SH2D3C: variants seen among roughly 807,000 people sequenced by gnomAD.
SH2D3C encodes the protein SH2 domain containing 3C.
SH2D3C carries 25 observed loss-of-function variants against 75.2 expected under a neutral mutation model. The ratio of observed to expected loss-of-function variants is 0.33; its 90% confidence interval spans 0.24 to 0.46. The LOEUF is 0.46. Among genes scored for constraint, SH2D3C ranks in the 20% least tolerant of loss-of-function variants. The probability of loss-of-function intolerance (pLI) is 1.00; values close to 1 mark genes in which losing one functional copy is unlikely to be tolerated. For synonymous variants in SH2D3C, 450 were observed against 473.7 expected, an observed-to-expected ratio of 0.95 and a Z score of 0.65; for missense variants, 933 against 1,165.3, an observed-to-expected ratio of 0.80 and a Z score of 2.90.
At chr9:127,740,143 C>G in intron 10 of SH2D3C, 115 bp downstream of exon 10, 1 of 899,322 alleles carries the variant, frequency 1.1e-6, no homozygotes, top group African/African-American at 1.7e-5. Flanking sequence ...ACAGTGAGCT[C>G]AGGGAAAGTA....
Position 127,741,860 on chromosome 9 carries a change from C to A in SH2D3C, c.2016G>T (p.Ala672=), listed in dbSNP as rs1186282044. ...AALLHKTIQL[A]AELRGTMGNM... ...TGCCCATAGTCCCCCGCAGCTCGGCCGCCAGCTGAATGGTCTTGTGCAGCA... is the reference window on the plus strand; with the variant it reads ...TGCCCATAGTCCCCCGCAGCTCGGCAGCCAGCTGAATGGTCTTGTGCAGCA... Residue 672 remains alanine (A), a synonymous_variant, in exon 9 of 12, where the codon GCG becomes GCT. Transcript: ENST00000314830. 1.2e-6 allele frequency: 2 copies of A among 1,613,350 alleles called. No individual in the cohort carries two copies. The highest frequency in any genetic ancestry group is 2.2e-5 in the South Asian group (2 of 91,084).
intron 2 of SH2D3C, among the ~76,000 whole-genome samples, chr9:127,772,239 C>CTTT (rs68153880): frequency 7.5e-5 from 9 of 120,480 alleles, no homozygotes; most frequent in Non-Finnish European, 1.2e-4. Flanking sequence ...GCTCAGGTGG[C>CTTT]TTTTTTTTTT....
chr9:127,769,525 G>A (rs1305808953), intron 2 of SH2D3C, among the ~76,000 whole-genome samples: 3 of 151,672 alleles, frequency 2.0e-5, no homozygotes, highest in East Asian at 1.9e-4. Flanking sequence ...GCGTGGTGGC[G>A]CATGCCTGTA....
intron 3 of SH2D3C, among the ~76,000 whole-genome samples, chr9:127,758,059 C>T (rs1027378850): frequency 6.6e-6 from 1 of 152,114 alleles, no homozygotes; most frequent in African/African-American, 2.4e-5. Context: ...CTCCCAATTC[C>T]AAGGCCCAAG....
intron 2 of SH2D3C, among the ~76,000 whole-genome samples, chr9:127,769,594 T>C (rs1189045951): frequency 6.9e-6 from 1 of 144,666 alleles, no homozygotes; most frequent in Admixed American, 7.0e-5. Flanking sequence ...AGGCGGAGGT[T>C]GCGGTCAGCC....
In SH2D3C at chr9:127,742,883, G is replaced by A; in HGVS notation, c.1882C>T (p.His628Tyr). 1.2e-6 allele frequency: 2 copies of A among 1,613,778 alleles called. No individual in the cohort carries two copies. Among genetic ancestry groups the A allele is most frequent in the Non-Finnish European group, 1.7e-6 (2 of 1,179,838 alleles). The change falls in exon 8 of 12, where the codon CAT (histidine) becomes TAT (tyrosine). Residue 628 changes from histidine to tyrosine, a missense_variant. By Grantham distance (83) the His-to-Tyr change is moderately conservative. Transcript: ENST00000314830. ...RWGMELLTLP[H>Y]GRQLRLDLLE... Reference sequence around the variant, plus strand: ...AGGTCTAGGCGTAGCTGCCGGCCATGGGGGAGGGTGAGCAGTTCCATGCCC... The same window carrying A: ...AGGTCTAGGCGTAGCTGCCGGCCATAGGGGAGGGTGAGCAGTTCCATGCCC...
At chr9:127,766,831 A>G in intron 2 of SH2D3C, 4 of 1,193,884 alleles carry the variant, frequency 3.4e-6, no homozygotes, top group Non-Finnish European at 4.6e-6. Context: ...TGGCCTCCCA[A>G]AGTGCTGGGG....
Position 127,754,934 on chromosome 9 carries a change from C to A in SH2D3C, c.556-3634G>T, listed in dbSNP as rs918289718. 21 of 514,958 alleles carry A rather than the reference C, an allele frequency of 4.1e-5. No individual in the cohort carries two copies. Among genetic ancestry groups the A allele is most frequent in the African/African-American group, 3.3e-4 (16 of 49,028 alleles). The allele number at this position is 514,958 out of a possible 1,614,324, so 31.9% of individuals were successfully genotyped here. ...AGGTGAGGCTGGGGTGACCCCGCCC[C>A]CTCCCCGGGTCGGCCGGGCCCAGCC... On this transcript the variant is annotated intron_variant, in intron 3 of 11. Coordinates refer to ENST00000314830, the MANE Select transcript of SH2D3C (RefSeq NM_170600.3). This position sits in a 1 kb window ranked among gnomAD's most constrained non-coding sequence, Gnocchi z 4.4.
chr9:127,766,362 G>A (rs1352029834), intron 2 of SH2D3C, among the ~76,000 whole-genome samples: 1 of 152,218 alleles, frequency 6.6e-6, no homozygotes, highest in African/African-American at 2.4e-5. Context: ...CCTCTCTGAA[G>A]CTCAACTTCG....
Position 127,754,692 on chromosome 9 carries a change from C to G in SH2D3C, c.556-3392G>C, listed in dbSNP as rs1845308185. The G allele has an allele frequency of 2.9e-6, 1 of 346,658 alleles. No homozygotes were observed. Among genetic ancestry groups the G allele is most frequent in the Admixed American group, 3.4e-5 (1 of 29,296 alleles). 21.5% of individuals were successfully genotyped at this position (346,658 alleles called of 1,614,324 possible). A position where few individuals can be genotyped will look rare whatever the true frequency, so the allele number is the denominator to read the frequency against. On this transcript the variant is annotated intron_variant, in intron 3 of 11. Transcript: ENST00000314830. The surrounding 1 kb of genome is among the most constrained non-coding windows in gnomAD (Gnocchi z 4.4). ...AGTCTTCAGATCCCAGTCCGGCGCC[C>G]CCGGTACAATGGGGAGCCAGGGTGC... is the stretch of plus-strand genomic sequence containing the variant.
intron 10 of SH2D3C, 46 bp downstream of exon 10, chr9:127,740,212 C>G (rs374638497): frequency 6.5e-7 from 1 of 1,530,858 alleles, no homozygotes; most frequent in Non-Finnish European, 9.0e-7. Flanking sequence ...CTTTGCAACC[C>G]CAGGGAGGGC....
At chr9:127,757,370 A>T (rs1210070102) in intron 3 of SH2D3C, among the ~76,000 whole-genome samples, 1 of 149,912 alleles carries the variant, frequency 6.7e-6, no homozygotes, top group African/African-American at 2.5e-5. Flanking sequence ...TCCTGGGCTC[A>T]AGCAATTCTC....
intron 3 of SH2D3C, chr9:127,755,303 G>C (rs1845346630): frequency 5.5e-6 from 6 of 1,092,068 alleles, no homozygotes; most frequent in Non-Finnish European, 6.8e-6. Flanking sequence ...GGGAGGAGCG[G>C]GGAGGCGGGG....
intron 1 of SH2D3C, among the ~76,000 whole-genome samples, chr9:127,777,578 A>G (rs1829045713): frequency 6.6e-6 from 1 of 150,988 alleles, no homozygotes; most frequent in African/African-American, 2.4e-5. Flanking sequence ...CTGCCCCAGT[A>G]ACTCCCCACC....
At chr9:127,765,262 A>G (rs1845611939) in intron 2 of SH2D3C, among the ~76,000 whole-genome samples, 1 of 151,924 alleles carries the variant, frequency 6.6e-6, no homozygotes. Flanking sequence ...CTCCACTACC[A>G]CATTCCCTTC....
chr9:127,764,545 G>A (rs1845596622), intron 2 of SH2D3C, among the ~76,000 whole-genome samples: 1 of 152,148 alleles, frequency 6.6e-6, no homozygotes. Flanking sequence ...CCTGGAAACA[G>A]CCTTGCACAC....
Position 127,745,001 on chromosome 9 carries a change from T to G in SH2D3C, c.1363A>C (p.Ser455Arg). 1 of 1,521,838 alleles carries G rather than the reference T, an allele frequency of 6.6e-7. No homozygotes were observed. Among genetic ancestry groups the G allele is most frequent in the Non-Finnish European group, 8.8e-7 (1 of 1,134,998 alleles). 94.3% of individuals were successfully genotyped at this position (1,521,838 alleles called of 1,614,324 possible). The change falls in exon 7 of 12, where the codon AGT becomes CGT. Residue 455 changes from serine (S) to arginine (R), a missense_variant. Transcript: ENST00000314830. Reference protein sequence around the residue: ...RSSEPQLCPGSAPKTHGESDK... With the variant: ...RSSEPQLCPGRAPKTHGESDK... ...GACTCCCCATGGGTCTTTGGGGCAC[T>G]TCCGGGACACAGCTGGGGCTCACTG...
In SH2D3C at chr9:127,742,792, G is replaced by A. The variant is rs911173350; in HGVS notation, c.1916+57C>T. ...GATTGGCCAACCCGCCCCGTCCAGCGGGGAGTGCGGTAGCCGGGGGTTCCC... is the reference window on the plus strand; with the variant it reads ...GATTGGCCAACCCGCCCCGTCCAGCAGGGAGTGCGGTAGCCGGGGGTTCCC... On this transcript the variant is annotated intron_variant, in intron 8 of 11. Transcript: ENST00000314830. The A allele has an allele frequency of 2.9e-6, 4 of 1,391,158 alleles. 1 individual carries two copies. The highest frequency in any genetic ancestry group is 2.5e-5 in the South Asian group (2 of 79,438). The allele number at this position is 1,391,158 out of a possible 1,614,324, so 86.2% of individuals were successfully genotyped here. A position where few individuals can be genotyped will look rare whatever the true frequency, so the allele number is the denominator to read the frequency against.
intron 2 of SH2D3C, among the ~76,000 whole-genome samples, chr9:127,763,923 G>A (rs1221713015): frequency 1.3e-5 from 2 of 152,134 alleles, no homozygotes. Flanking sequence ...AGGCTTTTGG[G>A]TTCTCTCTGT....
Sources: allele counts gnomAD v4.1 joint callset (sites outside exome capture counted in the v4.1 genomes callset), GRCh38; gene constraint gnomAD v4.1.1; non-coding constraint Gnocchi (gnomAD v3.1); transcripts MANE v1.5; gene names NCBI Gene and HGNC (gene_info 2026-07-23, HGNC 2026-07-21).